Variants in CPLANE1 observed in about 807,000 individuals in gnomAD.
The protein encoded by CPLANE1 is ciliogenesis and planar polarity effector 1.
CPLANE1 carries 263 observed loss-of-function variants against 362.5 expected under a neutral mutation model. The ratio of observed to expected loss-of-function variants is 0.73; its 90% CI spans 0.66 to 0.80. The LOEUF is 0.80. Ranked by LOEUF, CPLANE1 falls within the 30% of genes least tolerant of loss-of-function variation. CPLANE1 has a pLI of 0.00. For missense variants in CPLANE1, 3,461 were observed against 3,793.4 expected, an observed-to-expected ratio of 0.91 and a Z score of 2.30; for synonymous variants, 1,212 against 1,302.6, an observed-to-expected ratio of 0.93 and a Z score of 1.50.
At chr5:37,170,360 T>C (rs756281086) in intron 32 of CPLANE1, 29 bp from the exon 33 acceptor site, 17 of 1,579,010 alleles carry the variant, frequency 1.1e-5, no homozygotes, top group Non-Finnish European at 1.4e-5. Context: ...TGAAGCGATA[T>C]CTTAAAATAT....
chr5:37,230,090 C>T (rs1580924863), intron 9 of CPLANE1, among the ~76,000 whole-genome samples: 1 of 151,526 alleles, frequency 6.6e-6, no homozygotes, highest in African/African-American at 2.4e-5. Context: ...GCAGGAGAAT[C>T]GCTTGAACCC....
At chr5:37,229,512 C>A (rs1334231699) in intron 9 of CPLANE1, among the ~76,000 whole-genome samples, 2 of 151,868 alleles carry the variant, frequency 1.3e-5, no homozygotes, top group Non-Finnish European at 1.5e-5. Flanking sequence ...GCACTCCAGC[C>A]TGGGGGACAG....
Position 37,239,883 on chromosome 5 carries a change from G to A in CPLANE1, c.678-14C>T. On this transcript the variant is annotated splice_polypyrimidine_tract_variant and intron_variant, in intron 6 of 52. Transcript: ENST00000651892. ...TATGGCAATGATCTAAAAAAGTAAT[G>A]AAATAATTGAAAACAAAAGGTATAG... is the stretch of plus-strand genomic sequence containing the variant. 7.0e-7 allele frequency: 1 copy of A among 1,434,022 alleles called. No individual in the cohort carries two copies. The highest frequency in any genetic ancestry group is 9.3e-7 in the Non-Finnish European group (1 of 1,080,756). The allele number at this position is 1,434,022 out of a possible 1,614,324, so 88.8% of individuals were successfully genotyped here. A position where few individuals can be genotyped will look rare whatever the true frequency, so the allele number is the denominator to read the frequency against.
chr5:37,088,933 T>C, the CPLANE1 span, among the ~76,000 whole-genome samples: 3 of 152,054 alleles, frequency 2.0e-5, no homozygotes, highest in Non-Finnish European at 4.4e-5. Flanking sequence ...TGATGGACTG[T>C]AAAGGTCTGC....
intron 5 of CPLANE1, among the ~76,000 whole-genome samples, chr5:37,243,427 C>T (rs1801010432): frequency 6.6e-6 from 1 of 151,648 alleles, no homozygotes; most frequent in Non-Finnish European, 1.5e-5. Context: ...TAAATTAGCA[C>T]ACCACCCTGA....
At chr5:37,237,632 G>A (rs969631610) in intron 8 of CPLANE1, among the ~76,000 whole-genome samples, 3 of 151,816 alleles carry the variant, frequency 2.0e-5, no homozygotes, top group African/African-American at 7.3e-5. Flanking sequence ...GGATCACGAG[G>A]TCAGGAGATT....
chr5:37,176,213 G>A (rs775143059), intron 30 of CPLANE1: 36 of 385,612 alleles, frequency 9.3e-5, no homozygotes, highest in Admixed American at 5.1e-4. Flanking sequence ...ACTTAAATAC[G>A]GCTGACTGCT....
intron 19 of CPLANE1, among the ~76,000 whole-genome samples, chr5:37,199,984 G>A (rs904480564): frequency 6.6e-6 from 1 of 152,160 alleles, no homozygotes; most frequent in Non-Finnish European, 1.5e-5. Context: ...CAATCACTGT[G>A]CCCATGGACA....
At chr5:37,187,340 TAATTAA>T in intron 23 of CPLANE1, 68 bp downstream of exon 23, 1 of 1,227,908 alleles carries the variant, frequency 8.1e-7, no homozygotes, top group South Asian at 1.6e-5. Context: ...ACATCATCCT[TAATTAA>T]AATTAAATAA....
At chr5:37,208,687 CAAA>C (rs35854295) in intron 16 of CPLANE1, among the ~76,000 whole-genome samples, 4 of 86,970 alleles carry the variant, frequency 4.6e-5, no homozygotes, top group Admixed American at 1.1e-4. Flanking sequence ...CCCCCCCCCC[CAAA>C]AAAAAAAAAG....
At chr5:37,113,630 T>A (rs189614744) in intron 51 of CPLANE1, among the ~76,000 whole-genome samples, 1 of 152,166 alleles carries the variant, frequency 6.6e-6, no homozygotes, top group African/African-American at 2.4e-5. Context: ...GCCATAGACA[T>A]TAAAAAGTTG....
chr5:37,236,129 C>T lies in CPLANE1; in HGVS notation c.938+2728G>A, dbSNP rs187758379. Among the ~76,000 whole-genome samples the T allele has an allele frequency of 4.6e-5, 7 of 152,236 alleles. No homozygotes were observed. In the East Asian group the frequency reaches 1.4e-3, roughly 29 times the overall value. On this transcript the variant is annotated intron_variant, in intron 8 of 52. Coordinates refer to ENST00000651892, the MANE Select transcript of CPLANE1 (RefSeq NM_001384732.1). ...AACTCAGGTGATCCACCCACCTTGGCCTCCCAAAGTGCGTTAGCCACCATG... is the reference window on the plus strand; with the variant it reads ...AACTCAGGTGATCCACCCACCTTGGTCTCCCAAAGTGCGTTAGCCACCATG...
chr5:37,190,482 G>A (rs532719369), intron 21 of CPLANE1, among the ~76,000 whole-genome samples: 11 of 151,954 alleles, frequency 7.2e-5, no homozygotes, highest in Non-Finnish European at 1.3e-4. Context: ...GGAGGCTGAG[G>A]TAGAAGGATC....
chr5:37,120,795 C>T (rs1294162275), intron 49 of CPLANE1, among the ~76,000 whole-genome samples: 2 of 152,024 alleles, frequency 1.3e-5, no homozygotes, highest in Non-Finnish European at 2.9e-5. Flanking sequence ...TGTATTTAAT[C>T]CCTGCTTTAT....
At chr5:37,193,298 C>G (rs1786194789) in intron 21 of CPLANE1, among the ~76,000 whole-genome samples, 2 of 152,082 alleles carry the variant, frequency 1.3e-5, no homozygotes, top group South Asian at 4.1e-4. Flanking sequence ...GTGAGAGGTA[C>G]TCGAGTGCTT....
intron 27 of CPLANE1, 146 bp downstream of exon 27, chr5:37,180,711 A>G: frequency 4.7e-6 from 3 of 644,132 alleles, no homozygotes; most frequent in Non-Finnish European, 7.8e-6. Flanking sequence ...GAATTGTTAA[A>G]GCACCTCAGA....
intron 26 of CPLANE1, among the ~76,000 whole-genome samples, chr5:37,181,220 T>C (rs749202482): frequency 6.6e-6 from 1 of 152,192 alleles, no homozygotes; most frequent in African/African-American, 2.4e-5. Context: ...CTAAATAGTA[T>C]TCAAAAGAAA....
intron 9 of CPLANE1, 37 bp from the exon 10 acceptor site, chr5:37,227,854 A>G (rs1405385087): frequency 9.3e-6 from 14 of 1,503,026 alleles, no homozygotes; most frequent in Non-Finnish European, 1.1e-5. Context: ...AATCAGTAAG[A>G]GAAAGATCTT....
chr5:37,097,489 C>T, the CPLANE1 span, among the ~76,000 whole-genome samples: 1 of 152,064 alleles, frequency 6.6e-6, no homozygotes, highest in Non-Finnish European at 1.5e-5. Context: ...CCAAGTATAG[C>T]AAGACATTTA....
Sources: gnomAD v4.1 joint callset for allele counts (sites outside exome capture counted in the v4.1 genomes callset) on GRCh38, gnomAD v4.1.1 for gene constraint, MANE v1.5 for transcripts, NCBI Gene and HGNC (gene_info 2026-07-23, HGNC 2026-07-21) for gene names.